Variants in SP140L observed in about 807,000 individuals in gnomAD.
SP140L encodes the protein SP140 like nuclear body protein.
A neutral mutation model predicts 84.3 loss-of-function variants in SP140L; 64 were observed. That is an observed-to-expected ratio of 0.76 (90% CI 0.62 to 0.94). The LOEUF (loss-of-function observed/expected upper bound fraction) is 0.94. Among genes scored for constraint, SP140L ranks in the 40% least tolerant of loss-of-function variants. The probability of loss-of-function intolerance (pLI) is 0.00; values close to 1 mark genes in which losing one functional copy is unlikely to be tolerated. For missense variants in SP140L, 628 were observed against 692.5 expected (o/e 0.91, Z 1.05); for synonymous variants, 242 against 236.9 (o/e 1.02, Z -0.20).
At chr2:230,395,128 C>G (rs2061993246) in intron 13 of SP140L, among the ~76,000 whole-genome samples, 1 of 152,166 alleles carries the variant, frequency 6.6e-6, no homozygotes, top group African/African-American at 2.4e-5. Context: ...GTCACCACAC[C>G]TGGCTAATTA....
rs368672636 is a variant in SP140L at position 230,333,125 on chromosome 2, GT to G, written c.107+4298del. Among the ~76,000 whole-genome samples, 785 of 151,294 alleles carry G rather than the reference GT, an allele frequency of 5.2e-3. 3 individuals carry two copies. The highest frequency in any genetic ancestry group is 0.018 in the African/African-American group (742 of 41,274). ...AATTAATTTGGTTAACTGCCTTGCA[GT>G]TTTCAGCATTGCTAATAAGAAGTCG... On this transcript the variant is annotated intron_variant, in intron 2 of 18. Coordinates refer to ENST00000415673, the MANE Select transcript of SP140L (RefSeq NM_138402.6).
At chr2:230,377,931 G>A (rs935445808) in intron 7 of SP140L, among the ~76,000 whole-genome samples, 2 of 152,044 alleles carry the variant, frequency 1.3e-5, no homozygotes, top group African/African-American at 4.8e-5. Flanking sequence ...TTTTCTTCAA[G>A]TTTTTGGTGT....
intron 9 of SP140L, among the ~76,000 whole-genome samples, chr2:230,385,870 T>G (rs2061560662): frequency 6.6e-6 from 1 of 152,232 alleles, no homozygotes; most frequent in Non-Finnish European, 1.5e-5. Flanking sequence ...TCTCTTATTC[T>G]GTCTTGGCCC....
intron 7 of SP140L, among the ~76,000 whole-genome samples, chr2:230,381,646 A>G (rs966627827): frequency 3.3e-5 from 5 of 152,140 alleles, no homozygotes; most frequent in African/African-American, 1.2e-4. Context: ...ACTTGAGGCC[A>G]GGAGTCCAAA....
At chr2:230,394,993 T>TC (rs1322512962) in intron 13 of SP140L, among the ~76,000 whole-genome samples, 2 of 151,800 alleles carry the variant, frequency 1.3e-5, no homozygotes, top group Non-Finnish European at 2.9e-5. Context: ...TCCAGTAATT[T>TC]TTTTTTTTGA....
chr2:230,328,181 T>C (rs2149665157), intron 1 of SP140L, among the ~76,000 whole-genome samples: 1 of 152,330 alleles, frequency 6.6e-6, no homozygotes, highest in African/African-American at 2.4e-5. Context: ...TTTTAAATTT[T>C]TTAATACAAA....
intron 7 of SP140L, among the ~76,000 whole-genome samples, chr2:230,381,755 CACACAT>C (rs1304531142): frequency 8.7e-6 from 1 of 115,190 alleles, no homozygotes; most frequent in Non-Finnish European, 1.9e-5. Context: ...CACACACACA[CACACAT>C]TTCATAAACC....
chr2:230,380,204 T>C (rs541744964), intron 7 of SP140L, among the ~76,000 whole-genome samples: 1 of 152,266 alleles, frequency 6.6e-6, no homozygotes, highest in Admixed American at 6.5e-5. Context: ...GGGTTTCCTT[T>C]ATAAAACCAT....
intron 2 of SP140L, among the ~76,000 whole-genome samples, chr2:230,336,374 G>A (rs2059883384): frequency 1.3e-5 from 2 of 152,264 alleles, no homozygotes; most frequent in South Asian, 4.2e-4. Context: ...TTTCCACTAA[G>A]GGGTGGGTCC....
chr2:230,370,807 T>C (rs560655998), intron 5 of SP140L, 101 bp from the exon 6 acceptor site: 256 of 1,130,752 alleles, frequency 2.3e-4, no homozygotes, highest in Middle Eastern at 2.0e-3. Flanking sequence ...AAAAGAGGGT[T>C]ATTGGGGCAA....
At chr2:230,345,628 G>T (rs113899617) in intron 2 of SP140L, among the ~76,000 whole-genome samples, 3,905 of 150,132 alleles carry the variant, frequency 0.026, 180 homozygotes, top group African/African-American at 0.09. Context: ...TCCTTTGTGA[G>T]TTGATGAATT....
intron 2 of SP140L, among the ~76,000 whole-genome samples, chr2:230,330,783 G>T (rs1300593804): frequency 6.6e-6 from 1 of 152,092 alleles, no homozygotes; most frequent in Non-Finnish European, 1.5e-5. Flanking sequence ...GTCAACCATG[G>T]TCCAAAAACA....
chr2:230,385,254 C>G lies in SP140L; in HGVS notation c.734C>G (p.Ser245Trp). 1.2e-6 allele frequency: 2 copies of G among 1,613,680 alleles called. No individual in the cohort carries two copies. Among genetic ancestry groups the G allele is most frequent in the East Asian group, 2.2e-5 (1 of 44,876 alleles). The change falls in exon 9 of 19, where the codon TCG becomes TGG. Residue 245 changes from serine to tryptophan, a missense_variant. Physicochemically the swap from Ser to Trp is radical, Grantham distance 177 (BLOSUM62 -3). Transcript: ENST00000415673. ...DNSKADGQLVSSEKKANMNLK... is the reference protein window; with the variant it reads ...DNSKADGQLVWSEKKANMNLK... ...AGCAAAGCCGATGGCCAGCTGGTCT[C>G]GAGTGAAAAGAAGGCGAACATGAAT...
rs766899724 is a variant in SP140L at position 230,401,821 on chromosome 2, C to G, written c.1644+14C>G. ...GCCTCTTACAAGGTAGGTGGCTCTT[C>G]CTGCTTCCATTTCATTTCTTTCCAT... On this transcript the variant is annotated intron_variant, in intron 18 of 18. Transcript: ENST00000415673. 27 of 1,543,634 alleles carry G rather than the reference C, an allele frequency of 1.7e-5. No individual in the cohort carries two copies. The African/African-American group carries it at 2.7e-4, about 15-fold the overall frequency.
At chr2:230,338,891 G>A (rs1374769686) in intron 2 of SP140L, among the ~76,000 whole-genome samples, 1 of 142,372 alleles carries the variant, frequency 7.0e-6, no homozygotes, top group Non-Finnish European at 1.5e-5. Flanking sequence ...TGCTGGATTC[G>A]TTTTGCCAGT....
intron 7 of SP140L, chr2:230,371,965 A>G (rs1254424035): frequency 3.3e-6 from 1 of 302,550 alleles, no homozygotes; most frequent in East Asian, 8.2e-5. Flanking sequence ...CTGTGGAGAA[A>G]GGAAAATGTG....
intron 11 of SP140L, 79 bp from the exon 12 acceptor site, chr2:230,392,008 A>C: frequency 1.3e-6 from 2 of 1,584,344 alleles, no homozygotes; most frequent in Non-Finnish European, 1.7e-6. Context: ...GGGTGGCTCT[A>C]GATCCAATGT....
chr2:230,345,495 T>A (rs2060180773), intron 2 of SP140L, among the ~76,000 whole-genome samples: 1 of 152,166 alleles, frequency 6.6e-6, no homozygotes, highest in Non-Finnish European at 1.5e-5. Context: ...ATTTAATCCA[T>A]TTATTGATAG....
rs184089488 is a variant in SP140L, at chr2:230,334,088, C to T, written c.107+5257C>T. On this transcript the variant is annotated intron_variant, in intron 2 of 18. Transcript: ENST00000415673. ...TTGGGTGTCCATTCACATTTCAGAA[C>T]GAGACACTAGAAATCTGACTAGAAG... 7.2e-5 allele frequency among the ~76,000 whole-genome samples: 11 copies of T among 152,224 alleles called. No individual in the cohort carries two copies. In the East Asian group the frequency reaches 7.7e-4, roughly 11 times the overall value.
Sources: allele counts gnomAD v4.1 joint callset (sites outside exome capture counted in the v4.1 genomes callset), GRCh38; gene constraint gnomAD v4.1.1; transcripts MANE v1.5; gene names NCBI Gene and HGNC (gene_info 2026-07-23, HGNC 2026-07-21).